RPS6KA5: variants seen among roughly 807,000 people sequenced by gnomAD.
The protein encoded by RPS6KA5 is ribosomal protein S6 kinase alpha-5.
In RPS6KA5, 27 loss-of-function variants were observed where a neutral mutation model predicts 85.5. The ratio of observed to expected loss-of-function variants is 0.32; its 90% CI spans 0.23 to 0.44. The LOEUF is 0.44. Ranked by LOEUF, RPS6KA5 falls within the 20% of genes least tolerant of loss-of-function variation. RPS6KA5 has a pLI of 1.00. For missense variants in RPS6KA5, 811 were observed against 980.9 expected (o/e 0.83, Z 2.31); for synonymous variants, 334 against 348.2 (o/e 0.96, Z 0.46).
At chr14:90,936,294 T>C (rs1232276824) in intron 5 of RPS6KA5, among the ~76,000 whole-genome samples, 1 of 152,196 alleles carries the variant, frequency 6.6e-6, no homozygotes, top group Admixed American at 6.5e-5. Flanking sequence ...GGGCTGGGCC[T>C]GGTGGCTCAT....
intron 1 of RPS6KA5, among the ~76,000 whole-genome samples, chr14:91,018,640 T>C (rs2041606908): frequency 1.3e-5 from 2 of 152,198 alleles, no homozygotes; most frequent in African/African-American, 2.4e-5. Flanking sequence ...TCTTTGGTCT[T>C]TGGACTCTTG....
chr14:91,037,118 TGAACTC>T (rs1037612796), intron 1 of RPS6KA5, among the ~76,000 whole-genome samples: 35 of 152,320 alleles, frequency 2.3e-4, no homozygotes, highest in African/African-American at 6.3e-4. Context: ...GAACTTATCT[TGAACTC>T]AAGGGATATA....
At chr14:90,929,340 T>A (rs1179585648) in intron 5 of RPS6KA5, among the ~76,000 whole-genome samples, 1 of 152,050 alleles carries the variant, frequency 6.6e-6, no homozygotes, top group East Asian at 1.9e-4. Flanking sequence ...TACTTACAAA[T>A]AATGGTTCTG....
intron 1 of RPS6KA5, among the ~76,000 whole-genome samples, chr14:91,046,679 C>A (rs1299547134): frequency 6.6e-6 from 1 of 152,106 alleles, no homozygotes; most frequent in Non-Finnish European, 1.5e-5. Flanking sequence ...ATATAGAAAA[C>A]CGCATCGTAC....
intron 14 of RPS6KA5, among the ~76,000 whole-genome samples, chr14:90,881,545 G>C (rs1399303768): frequency 2.0e-5 from 3 of 151,742 alleles, no homozygotes. Context: ...TTGTTACCTA[G>C]GCCAGAGTGC....
intron 1 of RPS6KA5, among the ~76,000 whole-genome samples, chr14:91,046,517 T>C (rs371155869): frequency 6.6e-6 from 1 of 152,178 alleles, no homozygotes; most frequent in Non-Finnish European, 1.5e-5. Context: ...AGCATCATAT[T>C]TAGATAGAAA....
chr14:90,899,317 A>T lies in RPS6KA5; in HGVS notation c.1473+12T>A, dbSNP rs1566711408. ...GTACACATGGGAAAAAAAAAAAAAA[A>T]AAGTAGGATACCTGATCATGAAAAA... On this transcript the variant is annotated intron_variant, in intron 12 of 16. Coordinates refer to ENST00000614987, the MANE Select transcript of RPS6KA5 (RefSeq NM_004755.4). The T allele has an allele frequency of 1.3e-6, 2 of 1,562,060 alleles. No individual in the cohort carries two copies. Among genetic ancestry groups the T allele is most frequent in the Admixed American group, 3.7e-5 (2 of 54,038 alleles).
chr14:90,988,824 T>A (rs2040181316), intron 2 of RPS6KA5, among the ~76,000 whole-genome samples: 1 of 151,884 alleles, frequency 6.6e-6, no homozygotes, highest in African/African-American at 2.4e-5. Context: ...AAAAAATAAA[T>A]AAATAAATAA....
chr14:90,930,311 A>C (rs1286123), intron 5 of RPS6KA5, among the ~76,000 whole-genome samples: 121,802 of 152,146 alleles, frequency 0.8, 49,076 homozygotes, highest in East Asian at 0.97. Context: ...TTCGAATAAG[A>C]AGAGAAAAGA....
Position 90,894,407 on chromosome 14 carries a change from T to A in RPS6KA5, c.1644+6A>T, listed in dbSNP as rs1236564354. 2 of 1,612,998 alleles carry A rather than the reference T, an allele frequency of 1.2e-6. No individual in the cohort carries two copies. Among genetic ancestry groups the A allele is most frequent in the Admixed American group, 3.3e-5 (2 of 59,950 alleles). On this transcript the variant is annotated splice_donor_region_variant and intron_variant, in intron 13 of 16. Transcript: ENST00000614987. ...GAATTACGTAAGAGATCCAGTGATT[T>A]TATACCTCAGGTTTCAGATCCCTGT...
intron 1 of RPS6KA5, among the ~76,000 whole-genome samples, chr14:91,024,500 C>T (rs1335783224): frequency 6.6e-6 from 1 of 152,172 alleles, no homozygotes; most frequent in African/African-American, 2.4e-5. Flanking sequence ...TATTACACAG[C>T]ATTCTAAGTA....
At chr14:91,014,699 G>A (rs987043656) in intron 1 of RPS6KA5, among the ~76,000 whole-genome samples, 15 of 151,860 alleles carry the variant, frequency 9.9e-5, no homozygotes, top group Admixed American at 2.6e-4. Flanking sequence ...TTTTCTAAAC[G>A]CACATATTTT....
Position 90,882,415 on chromosome 14 carries a change from T to C in RPS6KA5, c.1837-7055A>G, listed in dbSNP as rs140037843. The stretch of plus-strand genomic sequence containing the variant: ...CAAAAGGTGAAGTTATAAACTGTTG[T>C]CACAATAATGCTAGCTTTTTACAAC... On this transcript the variant is annotated intron_variant, in intron 14 of 16. Coordinates refer to ENST00000614987, the MANE Select transcript of RPS6KA5 (RefSeq NM_004755.4). 2.6e-5 allele frequency among the ~76,000 whole-genome samples: 4 copies of C among 152,376 alleles called. No individual in the cohort carries two copies. The East Asian group carries it at 7.7e-4, about 29-fold the overall frequency.
At chr14:91,033,168 A>C (rs1350502560) in intron 1 of RPS6KA5, among the ~76,000 whole-genome samples, 2 of 147,236 alleles carry the variant, frequency 1.4e-5, no homozygotes, top group African/African-American at 5.0e-5. Flanking sequence ...CCAGCCTGGC[A>C]GACAGAGTGA....
intron 1 of RPS6KA5, among the ~76,000 whole-genome samples, chr14:91,017,382 G>A (rs961391625): frequency 3.3e-5 from 5 of 152,208 alleles, no homozygotes; most frequent in African/African-American, 1.2e-4. Flanking sequence ...CTTATTCACT[G>A]TAATGATATT....
intron 2 of RPS6KA5, among the ~76,000 whole-genome samples, chr14:90,998,753 C>A (rs935702347): frequency 4.6e-5 from 7 of 152,184 alleles, no homozygotes; most frequent in Non-Finnish European, 1.0e-4. Context: ...AAATTTCTGA[C>A]AATAACATGC....
At chr14:90,916,886 A>G (rs2036146402) in intron 7 of RPS6KA5, among the ~76,000 whole-genome samples, 1 of 152,228 alleles carries the variant, frequency 6.6e-6, no homozygotes, top group South Asian at 2.1e-4. Flanking sequence ...AGGGAATAAA[A>G]GCAATTTAAA....
intron 1 of RPS6KA5, among the ~76,000 whole-genome samples, chr14:91,051,369 A>G (rs1466156986): frequency 1.3e-5 from 2 of 152,194 alleles, no homozygotes; most frequent in Non-Finnish European, 2.9e-5. Flanking sequence ...GCTTGAGCCC[A>G]GGAGTTCAAG....
chr14:91,003,815 T>C (rs1257621978), intron 1 of RPS6KA5, among the ~76,000 whole-genome samples: 1 of 152,222 alleles, frequency 6.6e-6, no homozygotes, highest in African/African-American at 2.4e-5. Context: ...AGCTTAGCCC[T>C]GGGCTTATGA....
Sources: gnomAD v4.1 joint callset for allele counts (sites outside exome capture counted in the v4.1 genomes callset) on GRCh38, gnomAD v4.1.1 for gene constraint, MANE v1.5 for transcripts, NCBI Gene and HGNC (gene_info 2026-07-23, HGNC 2026-07-21) for gene names.